The following LCP1 variants were observed in gnomAD, a reference collection of about 807,000 sequenced individuals.
LCP1 encodes the protein lymphocyte cytosolic protein 1, also known as plastin-2.
LCP1 carries 23 observed loss-of-function variants against 72.0 expected under a neutral mutation model. The ratio of observed to expected loss-of-function variants is 0.32; its 90% CI spans 0.23 to 0.45. LCP1 has a LOEUF of 0.45. LCP1 is among the 20% of genes least tolerant of loss of function. The pLI, the probability that LCP1 is intolerant of heterozygous loss-of-function variation, is 1.00. For missense variants in LCP1, 571 were observed against 748.3 expected (o/e 0.76, Z 2.76); for synonymous variants, 245 against 275.4 (o/e 0.89, Z 1.09).
chr13:46,168,434 G>A (rs992018781), intron 1 of LCP1: 2 of 152,244 alleles, frequency 1.3e-5, no homozygotes, highest in African/African-American at 4.8e-5. Flanking sequence ...TCGCTCCTGG[G>A]GGCTGGGGGG....
At chr13:46,157,278 A>C (rs2045808889) in intron 4 of LCP1, among the ~76,000 whole-genome samples, 1 of 151,998 alleles carries the variant, frequency 6.6e-6, no homozygotes, top group South Asian at 2.1e-4. Flanking sequence ...ACACATATAA[A>C]TACAAATGTG....
intron 12 of LCP1, 82 bp downstream of exon 12, chr13:46,143,208 G>A: frequency 1.2e-6 from 1 of 855,944 alleles, no homozygotes; most frequent in East Asian, 2.5e-5. Context: ...TCTACGTTTG[G>A]CTGCCTTATA....
At chr13:46,132,278 G>A (rs2045638773) in intron 14 of LCP1, among the ~76,000 whole-genome samples, 1 of 152,090 alleles carries the variant, frequency 6.6e-6, no homozygotes, top group Non-Finnish European at 1.5e-5. Flanking sequence ...TAATGTAATG[G>A]GCTGGAGCAG....
intron 15 of LCP1, among the ~76,000 whole-genome samples, chr13:46,128,297 A>G (rs2045611996): frequency 6.6e-6 from 1 of 151,994 alleles, no homozygotes; most frequent in Admixed American, 6.6e-5. Flanking sequence ...AAGAGGAAAA[A>G]TGTATAATAT....
At chr13:46,135,966 A>C (rs932475011) in intron 13 of LCP1, among the ~76,000 whole-genome samples, 1 of 151,986 alleles carries the variant, frequency 6.6e-6, no homozygotes, top group African/African-American at 2.4e-5. Context: ...ATACAGGTTA[A>C]GCTCCAGCAC....
At chr13:46,140,383 G>A (rs1404213513) in intron 13 of LCP1, among the ~76,000 whole-genome samples, 1 of 152,118 alleles carries the variant, frequency 6.6e-6, no homozygotes, top group African/African-American at 2.4e-5. Context: ...AGCTGGAGTG[G>A]AAAAATTTCA....
chr13:46,144,393 C>A (rs374118185), intron 11 of LCP1, 49 bp downstream of exon 11: 3 of 1,374,136 alleles, frequency 2.2e-6, no homozygotes, highest in African/African-American at 1.4e-5. Context: ...TCCTATGGCT[C>A]TTTTGAGGTC....
chr13:46,167,361 G>A (rs947522750), intron 1 of LCP1, among the ~76,000 whole-genome samples: 18 of 152,154 alleles, frequency 1.2e-4, no homozygotes, highest in African/African-American at 4.1e-4. Flanking sequence ...CAGCTAAGGA[G>A]TTCTCATTCC....
At chr13:46,143,662 C>T (rs141878858) in intron 11 of LCP1, among the ~76,000 whole-genome samples, 73 of 152,266 alleles carry the variant, frequency 4.8e-4, no homozygotes, top group East Asian at 4.2e-3. Flanking sequence ...ACTATGGTGA[C>T]GAAATAATCT....
At chr13:46,157,877 G>A (rs955134548) in intron 4 of LCP1, among the ~76,000 whole-genome samples, 4 of 151,016 alleles carry the variant, frequency 2.6e-5, no homozygotes, top group African/African-American at 7.3e-5. Flanking sequence ...TTCCCGAGTC[G>A]ATGAGATTAC....
intron 1 of LCP1, 62 bp from the exon 2 acceptor site, chr13:46,159,748 T>G: frequency 1.1e-6 from 1 of 906,118 alleles, no homozygotes; most frequent in South Asian, 1.4e-5. Context: ...AATACCACAT[T>G]AAGAAGCAAT....
chr13:46,158,387 C>CTTAGA, intron 4 of LCP1, 135 bp downstream of exon 4: 5 of 916,056 alleles, frequency 5.5e-6, no homozygotes, highest in Non-Finnish European at 8.2e-6. Context: ...AACTGACCCA[C>CTTAGA]TTAGTCACAG....
intron 14 of LCP1, among the ~76,000 whole-genome samples, chr13:46,131,593 T>A (rs913094): frequency 0.85 from 128,628 of 152,114 alleles, 55,127 homozygotes; most frequent in South Asian, 0.97. Context: ...AGCAAAGATA[T>A]GGAATCAACC....
intron 9 of LCP1, 34 bp from the exon 10 acceptor site, chr13:46,147,137 A>G (rs2045736176): frequency 1.3e-6 from 2 of 1,518,402 alleles, no homozygotes; most frequent in African/African-American, 2.8e-5. Context: ...GGGCTGGGTC[A>G]AGGCTCTCCA....
At position 46,158,624 on chromosome 13, in the gene LCP1, C is replaced by T. The variant is rs767709002; in HGVS notation, c.256G>A (p.Val86Ile). Residue 86 changes from valine (V) to isoleucine (I), a missense_variant, in exon 4 of 16, where the codon GTT becomes ATT. Physicochemically the swap from Val to Ile is conservative, Grantham distance 29. Transcript: ENST00000323076. ...KIFHGLKSTD[V>I]AKTFRKAINK... is the part of the protein sequence containing the mutation. ...ATTGCTTTTCTAAAGGTCTTGGCAA[C>T]ATCTGTGCTTTTTAGGCCATGGAAA... The T allele has an allele frequency of 6.2e-7, 1 of 1,614,154 alleles. No individual in the cohort carries two copies. The highest frequency in any genetic ancestry group is 1.7e-5 in the Admixed American group (1 of 60,022).
intron 4 of LCP1, among the ~76,000 whole-genome samples, chr13:46,156,801 C>T (rs1030045602): frequency 6.6e-6 from 1 of 151,696 alleles, no homozygotes; most frequent in Non-Finnish European, 1.5e-5. Context: ...GATTTAAAAA[C>T]TATCTCTCTG....
chr13:46,175,676 T>C (rs1315778706), intron 1 of LCP1, among the ~76,000 whole-genome samples: 1 of 151,994 alleles, frequency 6.6e-6, no homozygotes, highest in Non-Finnish European at 1.5e-5. Flanking sequence ...CCATGATATT[T>C]TGAGGAACAG....
At chr13:46,173,990 G>T (rs531795788) in intron 1 of LCP1, among the ~76,000 whole-genome samples, 1 of 152,300 alleles carries the variant, frequency 6.6e-6, no homozygotes, top group South Asian at 2.1e-4. Flanking sequence ...TCTGTCAGAT[G>T]CACCAATGCT....
At chr13:46,151,128 A>AG in intron 7 of LCP1, 50 bp from the exon 8 acceptor site, 1 of 1,546,018 alleles carries the variant, frequency 6.5e-7, no homozygotes, top group Non-Finnish European at 8.7e-7. Flanking sequence ...ATGTTGGGGG[A>AG]GGGGGGTTGG....
Sources: gnomAD v4.1 joint callset for allele counts (sites outside exome capture counted in the v4.1 genomes callset) on GRCh38, gnomAD v4.1.1 for gene constraint, MANE v1.5 for transcripts, NCBI Gene and HGNC (gene_info 2026-07-23, HGNC 2026-07-21) for gene names.